Variants in CHCHD6 observed in about 807,000 individuals in gnomAD.
CHCHD6 encodes the protein MICOS complex subunit MIC25.
In CHCHD6, 28 loss-of-function variants were observed where a neutral mutation model predicts 32.3. That is an observed-to-expected ratio of 0.87 (90% CI 0.64 to 1.19). CHCHD6 has a LOEUF of 1.19. CHCHD6 is among the 50% of genes most tolerant of loss of function. CHCHD6 has a pLI of 0.00. For missense variants in CHCHD6, 333 were observed against 307.0 expected (o/e 1.08, Z -0.63); for synonymous variants, 122 against 117.5 (o/e 1.04, Z -0.25).
chr3:126,806,400 C>T (rs937544506), intron 4 of CHCHD6, among the ~76,000 whole-genome samples: 3 of 151,790 alleles, frequency 2.0e-5, no homozygotes, highest in African/African-American at 7.2e-5. Flanking sequence ...TATGAACAGA[C>T]ACTTCTCAAA....
At chr3:126,728,183 C>G (rs1191680971) in intron 2 of CHCHD6, among the ~76,000 whole-genome samples, 1 of 152,172 alleles carries the variant, frequency 6.6e-6, no homozygotes, top group Non-Finnish European at 1.5e-5. Context: ...CACCCAGAAC[C>G]AAGTCCTGTG....
At chr3:126,803,805 A>G (rs1272832938) in intron 4 of CHCHD6, among the ~76,000 whole-genome samples, 1 of 152,218 alleles carries the variant, frequency 6.6e-6, no homozygotes, top group East Asian at 1.9e-4. Flanking sequence ...TTGACCACAT[A>G]GTTGGAAGTA....
chr3:126,903,704 G>A (rs1293417578), intron 5 of CHCHD6, among the ~76,000 whole-genome samples: 1 of 152,212 alleles, frequency 6.6e-6, no homozygotes, highest in Admixed American at 6.5e-5. Context: ...GGACGGCCCT[G>A]CCTCCTCCCA....
intron 3 of CHCHD6, 125 bp from the exon 4 acceptor site, chr3:126,732,953 T>C: frequency 1.9e-6 from 2 of 1,061,316 alleles, no homozygotes; most frequent in Non-Finnish European, 2.8e-6. Context: ...TCTCCTTTCC[T>C]GACCAGCCGC....
chr3:126,826,274 GA>G (rs1031501541), intron 4 of CHCHD6, among the ~76,000 whole-genome samples: 3 of 152,188 alleles, frequency 2.0e-5, no homozygotes, highest in African/African-American at 4.8e-5. Flanking sequence ...TATTATTGGA[GA>G]CCAGTTTATA....
intron 1 of CHCHD6, among the ~76,000 whole-genome samples, chr3:126,718,662 G>C (rs1935136789): frequency 6.6e-6 from 1 of 152,178 alleles, no homozygotes; most frequent in African/African-American, 2.4e-5. Context: ...AGGGTGGGCA[G>C]AGCTCCTCCT....
At position 126,719,809 on chromosome 3, in the gene CHCHD6, G is replaced by A. The variant is rs568929729; in HGVS notation, c.88-7269G>A. Among the ~76,000 whole-genome samples the A allele has an allele frequency of 2.0e-5, 3 of 152,146 alleles. No homozygotes were observed. The South Asian group carries it at 6.2e-4, about 32-fold the overall frequency. On this transcript the variant is annotated intron_variant, in intron 1 of 7. Coordinates refer to ENST00000290913, the MANE Select transcript of CHCHD6 (RefSeq NM_032343.3). ...AGAGGGACAGTGGGCCGTGGTTACC[G>A]CTCCCTTGTCTGTTTGCCTCTGGAT... is the stretch of plus-strand genomic sequence containing the variant.
At chr3:126,806,557 G>T (rs1401629034) in intron 4 of CHCHD6, among the ~76,000 whole-genome samples, 1 of 152,124 alleles carries the variant, frequency 6.6e-6, no homozygotes, top group African/African-American at 2.4e-5. Context: ...AACAGGTGCT[G>T]GAGAGGATGT....
At chr3:126,847,602 A>C (rs1366716544) in intron 4 of CHCHD6, among the ~76,000 whole-genome samples, 1 of 152,240 alleles carries the variant, frequency 6.6e-6, no homozygotes, top group Non-Finnish European at 1.5e-5. Context: ...GAGATCCCAC[A>C]GGGGCATGAG....
intron 6 of CHCHD6, among the ~76,000 whole-genome samples, chr3:126,947,728 C>T (rs968432177): frequency 7.9e-5 from 12 of 152,144 alleles, no homozygotes; most frequent in African/African-American, 1.4e-4. Context: ...CAAATGAGGC[C>T]GAATTTTCTG....
chr3:126,730,689 C>CA, intron 3 of CHCHD6, 59 bp downstream of exon 3: 1 of 1,418,166 alleles, frequency 7.1e-7, no homozygotes, highest in South Asian at 1.2e-5. Context: ...CCTCTTTCCT[C>CA]ACTGGGTACC....
intron 4 of CHCHD6, among the ~76,000 whole-genome samples, chr3:126,753,738 G>A (rs1936831226): frequency 6.6e-6 from 1 of 152,212 alleles, no homozygotes; most frequent in Non-Finnish European, 1.5e-5. Context: ...GAGGGCCCAC[G>A]GGTTTGGTTC....
chr3:126,846,410 T>C (rs1463599541), intron 4 of CHCHD6, among the ~76,000 whole-genome samples: 1 of 152,214 alleles, frequency 6.6e-6, no homozygotes, highest in African/African-American at 2.4e-5. Flanking sequence ...TAGGAGGCTT[T>C]GAAAAGCTCA....
chr3:126,873,555 T>G (rs1334088496), intron 5 of CHCHD6, among the ~76,000 whole-genome samples: 1 of 152,180 alleles, frequency 6.6e-6, no homozygotes, highest in Non-Finnish European at 1.5e-5. Context: ...TTCAGGTTGG[T>G]CAGCCAAAGG....
intron 7 of CHCHD6, 134 bp downstream of exon 7, chr3:126,957,685 C>A: frequency 9.0e-7 from 1 of 1,113,060 alleles, no homozygotes; most frequent in Non-Finnish European, 1.3e-6. Context: ...TCTGCATTTG[C>A]CAAGGGAGGG....
At chr3:126,922,343 G>A (rs78864422) in intron 6 of CHCHD6, among the ~76,000 whole-genome samples, 66 of 152,248 alleles carry the variant, frequency 4.3e-4, no homozygotes, top group African/African-American at 1.1e-3. Flanking sequence ...TCAGTTTCCC[G>A]GTCTGTAAAA....
chr3:126,940,598 T>C (rs1322334981), intron 6 of CHCHD6, among the ~76,000 whole-genome samples: 2 of 152,212 alleles, frequency 1.3e-5, no homozygotes, highest in Non-Finnish European at 2.9e-5. Context: ...AAAAAACATA[T>C]GCATACAGGT....
At chr3:126,767,179 C>T in intron 4 of CHCHD6, 3 of 1,592,144 alleles carry the variant, frequency 1.9e-6, no homozygotes. Context: ...AGTCCATTAT[C>T]ATACTGAATT....
chr3:126,786,544 A>T (rs1938222019), intron 4 of CHCHD6, among the ~76,000 whole-genome samples: 2 of 152,032 alleles, frequency 1.3e-5, no homozygotes, highest in Admixed American at 1.3e-4. Flanking sequence ...ATGGTATCTC[A>T]TTGTGGTTTT....
Sources: allele counts gnomAD v4.1 joint callset (sites outside exome capture counted in the v4.1 genomes callset), GRCh38; gene constraint gnomAD v4.1.1; transcripts MANE v1.5; gene names NCBI Gene and HGNC (gene_info 2026-07-23, HGNC 2026-07-21).